HP: variants seen among roughly 807,000 people sequenced by gnomAD.
The protein encoded by HP is haptoglobin.
Under a neutral mutation model 23.2 loss-of-function variants are expected in HP, and 9 were observed. The observed-to-expected ratio is 0.39, with a 90% CI of 0.23 to 0.68. The LOEUF (loss-of-function observed/expected upper bound fraction) is 0.68. HP is among the 30% of genes least tolerant of loss of function. The pLI is 0.47. For synonymous variants in HP, 155 were observed against 183.3 expected (o/e 0.85, Z 1.25); for missense variants, 433 against 483.6 (o/e 0.90, Z 0.98).
chr16:72,059,950 A>C, intron 6 of HP, 162 bp from the exon 7 acceptor site: 1 of 1,413,924 alleles, frequency 7.1e-7, no homozygotes, highest in South Asian at 1.5e-5. Flanking sequence ...GAATTATTTT[A>C]AAACTGCAAC....
chr16:72,059,383 G>T, intron 6 of HP, 195 bp downstream of exon 6: 1 of 765,376 alleles, frequency 1.3e-6, no homozygotes, highest in Admixed American at 2.7e-5. Flanking sequence ...TGTTCATTAG[G>T]GCCTGAAGGG....
chr16:72,059,359 G>A (rs2041503999), intron 6 of HP, 171 bp downstream of exon 6: 4 of 913,336 alleles, frequency 4.4e-6, no homozygotes, highest in East Asian at 2.7e-5. Context: ...CTCCCTAAGG[G>A]TCACCAAGGG....
At chr16:72,054,995 TAAGG>T in intron 1 of HP, 1 of 496,240 alleles carries the variant, frequency 2.0e-6, no homozygotes, top group Non-Finnish European at 3.6e-6. Context: ...AAATGTACAA[TAAGG>T]AAGACTAATA....
chr16:72,059,014 T>C lies in HP; in HGVS notation c.368-100T>C. The C allele has an allele frequency of 3.2e-6, 4 of 1,259,752 alleles. 1 individual carries two copies. 78.0% of individuals were successfully genotyped at this position (1,259,752 alleles called of 1,614,324 possible). ...CTTTTCCCCTTCCTTTTTGTCCCCT[T>C]TTCCTCTTCCTTTTAGTTCTTCTCT... is the stretch of plus-strand genomic sequence containing the variant. On this transcript the variant is annotated intron_variant, in intron 5 of 6. Transcript: ENST00000355906.
At chr16:72,056,347 C>G (rs2041462792) in intron 2 of HP, 104 bp downstream of exon 2, 1 of 1,559,216 alleles carries the variant, frequency 6.4e-7, no homozygotes, top group African/African-American at 1.4e-5. Flanking sequence ...GACCTCTGGG[C>G]TTTCAGGACC....
chr16:72,060,521 G>T lies in HP; in HGVS notation c.852G>T (p.Trp284Cys). 1 of 1,614,120 alleles carries T rather than the reference G, an allele frequency of 6.2e-7. No homozygotes were observed. The highest frequency in any genetic ancestry group is 8.5e-7 in the Non-Finnish European group (1 of 1,180,014). The change falls in exon 7 of 7, where the codon TGG (tryptophan) becomes TGT (cysteine). Residue 284 changes from tryptophan (W) to cysteine (C), a missense_variant. By Grantham distance (215) the Trp-to-Cys change is radical. Transcript: ENST00000355906. The part of the protein sequence containing the change: ...EVGRVGYVSG[W>C]GRNANFKFTD... ...GGCGTGTGGGTTATGTTTCTGGCTG[G>T]GGGCGAAATGCCAATTTTAAATTTA...
intron 1 of HP, 60 bp downstream of exon 1, chr16:72,054,717 A>G (rs1452531144): frequency 1.2e-6 from 2 of 1,611,664 alleles, no homozygotes; most frequent in Non-Finnish European, 1.7e-6. Flanking sequence ...TCTTTTTTGC[A>G]TACATCGGTA....
intron 4 of HP, 152 bp downstream of exon 4, chr16:72,057,618 A>T: frequency 1.4e-6 from 1 of 703,274 alleles, no homozygotes; most frequent in Non-Finnish European, 2.3e-6. Context: ...GAGAGACTTA[A>T]GCAGTTAGGT....
At chr16:72,059,926 C>A in intron 6 of HP, 186 bp from the exon 7 acceptor site, 1 of 1,347,790 alleles carries the variant, frequency 7.4e-7, no homozygotes, top group Non-Finnish European at 9.9e-7. Flanking sequence ...GTAATGTAAA[C>A]AATTTAAAAA....
At chr16:72,059,883 CCTTT>C in intron 6 of HP, 2 of 1,023,540 alleles carry the variant, frequency 2.0e-6, no homozygotes, top group South Asian at 3.6e-5. Context: ...TTTCCCACTT[CCTTT>C]GTTAGAAAAG....
rs556130513 is a variant in HP, at chr16:72,055,638, G to A, written c.6-523G>A. 34 of 180,174 alleles carry A rather than the reference G, an allele frequency of 1.9e-4. No homozygotes were observed. The South Asian group carries it at 4.0e-3, about 21-fold the overall frequency. 11.2% of individuals were successfully genotyped at this position (180,174 alleles called of 1,614,324 possible). A position where few individuals can be genotyped will look rare whatever the true frequency, so the allele number is the denominator to read the frequency against. ...AAAGGTGAATTATTATAAAATACTA[G>A]AAATACCCACGTGTTTAAAATTATA... is the stretch of plus-strand genomic sequence containing the variant. On this transcript the variant is annotated intron_variant, in intron 1 of 6. Coordinates refer to ENST00000355906, the MANE Select transcript of HP (RefSeq NM_005143.5).
Position 72,059,107 on chromosome 16 carries a change from G to A in HP, c.368-7G>A. ...TCCTTTGGCTCACTTCTTGCCTTTT[G>A]TTTCAGGAGTGTACACCTTAAACAA... is the stretch of plus-strand genomic sequence containing the variant. On this transcript the variant is annotated splice_region_variant and splice_polypyrimidine_tract_variant and intron_variant, in intron 5 of 6. Transcript: ENST00000355906. 1 of 1,564,524 alleles carries A rather than the reference G, an allele frequency of 6.4e-7. No homozygotes were observed. The highest frequency in any genetic ancestry group is 8.7e-7 in the Non-Finnish European group (1 of 1,148,268).
In HP at chr16:72,056,640, T is replaced by C; in HGVS notation, c.190+9T>C. On this transcript the variant is annotated intron_variant, in intron 3 of 6. Coordinates refer to ENST00000355906, the MANE Select transcript of HP (RefSeq NM_005143.5). ...GCGCACAGAAGGAGATGGTAAGATG[T>C]GGACAACTGTCTCCATGCCCTACAT... 2.0e-6 allele frequency: 2 copies of C among 1,025,084 alleles called. No homozygotes were observed. The highest frequency in any genetic ancestry group is 2.8e-6 in the Non-Finnish European group (2 of 707,344). The allele number at this position is 1,025,084 out of a possible 1,614,324, so 63.5% of individuals were successfully genotyped here. A position where few individuals can be genotyped will look rare whatever the true frequency, so the allele number is the denominator to read the frequency against.
At chr16:72,056,290 C>T (rs752079980) in intron 2 of HP, 47 bp downstream of exon 2, 15 of 1,575,670 alleles carry the variant, frequency 9.5e-6, no homozygotes, top group Middle Eastern at 1.7e-4. Flanking sequence ...CTGACCCTCT[C>T]GGGTCTGCAC....
chr16:72,059,097 C>A lies in HP; in HGVS notation c.368-17C>A, dbSNP rs1190054426. ...ACTTGACTTCTCCTTTGGCTCACTT[C>A]TTGCCTTTTGTTTCAGGAGTGTACA... On this transcript the variant is annotated splice_polypyrimidine_tract_variant and intron_variant, in intron 5 of 6. Coordinates refer to ENST00000355906, the MANE Select transcript of HP (RefSeq NM_005143.5). 1 of 1,563,252 alleles carries A rather than the reference C, an allele frequency of 6.4e-7. No homozygotes were observed. The highest frequency in any genetic ancestry group is 1.1e-5 in the South Asian group (1 of 90,422).
In HP at chr16:72,057,596, C is replaced by A. The variant is rs2041478635; in HGVS notation, c.265+130C>A. 1.4e-5 allele frequency: 8 copies of A among 577,364 alleles called. 2 individuals carry two copies. The Admixed American group carries it at 3.0e-4, about 22-fold the overall frequency. 35.8% of individuals were successfully genotyped at this position (577,364 alleles called of 1,614,324 possible). A position where few individuals can be genotyped will look rare whatever the true frequency, so the allele number is the denominator to read the frequency against. ...CAGGAGGAGGGATGTGGGAGAACCG[C>A]AGCTGGCCAGGGAGAGACTTAAGCA... On this transcript the variant is annotated intron_variant, in intron 4 of 6. Coordinates refer to ENST00000355906, the MANE Select transcript of HP (RefSeq NM_005143.5).
In HP at chr16:72,059,147, T is replaced by C; in HGVS notation, c.401T>C (p.Ile134Thr). The C allele has an allele frequency of 6.4e-7, 1 of 1,565,578 alleles. No homozygotes were observed. Residue 134 changes from isoleucine to threonine, a missense_variant, in exon 6 of 7, where the codon ATA becomes ACA. By Grantham distance (89) the Ile-to-Thr change is moderately conservative. Transcript: ENST00000355906. ...ACCTTAAACAATGAGAAGCAGTGGA[T>C]AAATAAGGCTGTTGGAGATAAACTT... ...VYTLNNEKQW[I>T]NKAVGDKLPE...
At position 72,060,371 on chromosome 16, in the gene HP, G is replaced by A; in HGVS notation, c.702G>A (p.Glu234=). 1.2e-6 allele frequency: 2 copies of A among 1,613,818 alleles called. No individual in the cohort carries two copies. The highest frequency in any genetic ancestry group is 1.3e-5 in the African/African-American group (1 of 75,052). ...GGAAAAAGCAGCTTGTAGAGATTGA[G>A]AAGGTTGTTCTACACCCTAACTACT... ...YVGKKQLVEI[E]KVVLHPNYSQ... Residue 234 remains glutamate, a synonymous_variant, in exon 7 of 7, where the codon GAG becomes GAA. Transcript: ENST00000355906.
chr16:72,060,075 A>C (rs2041516762), intron 6 of HP, 37 bp from the exon 7 acceptor site: 1 of 1,603,938 alleles, frequency 6.2e-7, no homozygotes, highest in African/African-American at 1.3e-5. Context: ...AGGCTCTTGC[A>C]CATTTCCACT....
Sources: gnomAD v4.1 joint callset for allele counts on GRCh38, gnomAD v4.1.1 for gene constraint, MANE v1.5 for transcripts, NCBI Gene and HGNC (gene_info 2026-07-23, HGNC 2026-07-21) for gene names.